TMEM183A: variants seen among roughly 807,000 people sequenced by gnomAD.
TMEM183A encodes chromosome 1 open reading frame 37.
In TMEM183A, 21 loss-of-function variants were observed where a neutral mutation model predicts 46.7. That is an observed-to-expected ratio of 0.45 (90% confidence interval 0.32 to 0.65). TMEM183A has a LOEUF of 0.65. Among genes scored for constraint, TMEM183A ranks in the 30% least tolerant of loss-of-function variants. TMEM183A has a pLI of 0.04. For missense variants in TMEM183A, 331 were observed against 481.9 expected, an observed-to-expected ratio of 0.69 and a Z score of 2.93; for synonymous variants, 165 against 180.2, an observed-to-expected ratio of 0.92 and a Z score of 0.68.
intron 3 of TMEM183A, among the ~76,000 whole-genome samples, chr1:203,012,720 G>T (rs978324186): frequency 2.0e-5 from 3 of 152,044 alleles, no homozygotes; most frequent in Non-Finnish European, 4.4e-5. Flanking sequence ...ATTTTTGTTT[G>T]TTTTTTTGGT....
chr1:203,017,265 A>C (rs1657254213), intron 5 of TMEM183A, among the ~76,000 whole-genome samples: 1 of 152,018 alleles, frequency 6.6e-6, no homozygotes. Flanking sequence ...CCTTTCCCCC[A>C]AAACATTTGA....
chr1:203,007,474 G>T lies in TMEM183A; in HGVS notation c.9G>T (p.Arg3=). ...GCTCTCCGGCCGGAGACATGGCCCG[G>T]GGGCCCGGCCCGCTAGGCAGGCCTC... The part of the protein sequence containing the change: MA[R]GPGPLGRPRP... Residue 3 remains arginine, a synonymous_variant, in exon 1 of 8, where the codon CGG becomes CGT. Transcript: ENST00000367242. 1 of 1,459,660 alleles carries T rather than the reference G, an allele frequency of 6.9e-7. No homozygotes were observed. The highest frequency in any genetic ancestry group is 9.1e-7 in the Non-Finnish European group (1 of 1,102,564). The allele number at this position is 1,459,660 out of a possible 1,614,324, so 90.4% of individuals were successfully genotyped here. A position where few individuals can be genotyped will look rare whatever the true frequency, so the allele number is the denominator to read the frequency against.
Position 203,016,061 on chromosome 1 carries a change from T to C in TMEM183A, c.629T>C (p.Met210Thr). ...RACVIRSLYH[M>T]YEPFAARISK... ...TGTGTGATCCGATCTCTGTACCATA[T>C]GTATGAGCCATTTGCTGCTCGAATC... The change falls in exon 5 of 8, where the codon ATG (methionine) becomes ACG (threonine). Residue 210 changes from methionine to threonine, a missense_variant. Physicochemically the swap from Met to Thr is moderately conservative, Grantham distance 81. Around this residue, in one of 2 missense-constraint regions of TMEM183A, gnomAD observed 233 missense variants for 385.8 expected, o/e 0.60. Transcript: ENST00000367242. The C allele has an allele frequency of 6.2e-7, 1 of 1,614,190 alleles. No individual in the cohort carries two copies. The highest frequency in any genetic ancestry group is 1.7e-4 in the Middle Eastern group (1 of 6,060).
At chr1:203,018,619 A>G (rs543053627) in intron 6 of TMEM183A, 58 bp downstream of exon 6, 5 of 1,565,358 alleles carry the variant, frequency 3.2e-6, no homozygotes, top group Admixed American at 1.8e-5. Flanking sequence ...ATTTCCCTAG[A>G]TATCTTTCTT....
rs1163622334 is a variant in TMEM183A at position 203,016,356 on chromosome 1, T to C, written c.708+216T>C. 1.2e-5 allele frequency: 7 copies of C among 605,112 alleles called. No individual in the cohort carries two copies. The Admixed American group carries it at 1.8e-4, about 16-fold the overall frequency. The allele number at this position is 605,112 out of a possible 1,614,324, so 37.5% of individuals were successfully genotyped here. A position where few individuals can be genotyped will look rare whatever the true frequency, so the allele number is the denominator to read the frequency against. ...CCTTAAAGCTTTCTGGTGCTTTTAG[T>C]GTATTCCTTATTCTTTTTATTTTAA... is the stretch of plus-strand genomic sequence containing the variant. On this transcript the variant is annotated intron_variant, in intron 5 of 7. Coordinates refer to ENST00000367242, the MANE Select transcript of TMEM183A (RefSeq NM_138391.6).
intron 6 of TMEM183A, among the ~76,000 whole-genome samples, chr1:203,018,916 C>T (rs1292973831): frequency 6.6e-6 from 1 of 152,178 alleles, no homozygotes; most frequent in East Asian, 1.9e-4. Flanking sequence ...TGAGGGAGGG[C>T]CTCCCCAGTA....
chr1:203,007,659 G>A, intron 1 of TMEM183A, 85 bp downstream of exon 1: 1 of 1,537,722 alleles, frequency 6.5e-7, no homozygotes, highest in Middle Eastern at 2.0e-4. Flanking sequence ...GAGCGCTCGC[G>A]TGCCCGCGGC....
intron 5 of TMEM183A, 125 bp downstream of exon 5, chr1:203,016,265 T>A: frequency 7.3e-7 from 1 of 1,370,798 alleles, no homozygotes; most frequent in Non-Finnish European, 1.0e-6. Flanking sequence ...GGGACTAATG[T>A]AAACTTCAGG....
At chr1:203,017,278 G>C (rs926704626) in intron 5 of TMEM183A, among the ~76,000 whole-genome samples, 1 of 152,042 alleles carries the variant, frequency 6.6e-6, no homozygotes, top group Non-Finnish European at 1.5e-5. Flanking sequence ...ACATTTGATA[G>C]TATCAGATTA....
At chr1:203,012,196 A>T (rs1656696059) in intron 3 of TMEM183A, among the ~76,000 whole-genome samples, 1 of 102,710 alleles carries the variant, frequency 9.7e-6, no homozygotes, top group African/African-American at 3.8e-5. Flanking sequence ...GGTTATTTTG[A>T]AACGGCCATT....
At chr1:203,014,726 C>G (rs1260285067) in intron 3 of TMEM183A, among the ~76,000 whole-genome samples, 163 bp from the exon 4 acceptor site, 2 of 152,116 alleles carry the variant, frequency 1.3e-5, no homozygotes, top group Non-Finnish European at 2.9e-5. Flanking sequence ...GTAAAAGTTT[C>G]CAGCAGCTAG....
chr1:203,022,738 A>C, intron 7 of TMEM183A, 117 bp from the exon 8 acceptor site: 8 of 1,207,060 alleles, frequency 6.6e-6, no homozygotes, highest in Non-Finnish European at 9.4e-6. Flanking sequence ...TTTATAATTT[A>C]GAGATTAATC....
In TMEM183A at chr1:203,007,568, G is replaced by T. The variant is rs775134653; in HGVS notation, c.103G>T (p.Gly35Cys). Reference protein sequence around the residue: ...LKFRAHDACSGRVTVADYANS... With the variant: ...LKFRAHDACSCRVTVADYANS... ...GTTCCGGGCCCACGACGCCTGCTCC[G>T]GCCGAGGTGGGCGAGGGGGGCAGGG... The change falls in exon 1 of 8, where the codon GGC becomes TGC. Residue 35 changes from glycine (G) to cysteine (C), a missense_variant. Physicochemically the swap from Gly to Cys is radical, Grantham distance 159. This residue lies in a region of TMEM183A where 98 missense variants were observed against 96.1 expected (regional missense o/e 1.02). Coordinates refer to ENST00000367242, the MANE Select transcript of TMEM183A (RefSeq NM_138391.6). The T allele has an allele frequency of 9.7e-5, 150 of 1,546,994 alleles. No individual in the cohort carries two copies. Among genetic ancestry groups the T allele is most frequent in the Non-Finnish European group, 1.2e-4 (142 of 1,152,098 alleles).
At position 203,016,000 on chromosome 1, in the gene TMEM183A, C is replaced by T. The variant is rs1657133093; in HGVS notation, c.568C>T (p.Pro190Ser). 1 of 1,613,874 alleles carries T rather than the reference C, an allele frequency of 6.2e-7. No homozygotes were observed. The highest frequency in any genetic ancestry group is 1.1e-5 in the South Asian group (1 of 91,082). The change falls in exon 5 of 8, where the codon CCA (proline) becomes TCA (serine). Residue 190 changes from proline to serine, a missense_variant. Pro to Ser is a moderately conservative substitution (Grantham distance 74, BLOSUM62 -1). Transcript: ENST00000367242. ...LDASLPLRLRPESMEKLRCLR... is the reference protein window; with the variant it reads ...LDASLPLRLRSESMEKLRCLR... ...TGCTTCCCTGCCTTTGCGTCTGCGA[C>T]CAGAGTCAATGGAGAAGCTGCGCTG...
chr1:203,021,664 T>A (rs1657693829), intron 7 of TMEM183A, among the ~76,000 whole-genome samples: 1 of 152,320 alleles, frequency 6.6e-6, no homozygotes, highest in Middle Eastern at 3.4e-3. Context: ...AAATACAGGG[T>A]GACCAGCTCA....
intron 7 of TMEM183A, among the ~76,000 whole-genome samples, chr1:203,022,157 C>T (rs1383699360): frequency 6.6e-6 from 1 of 152,088 alleles, no homozygotes; most frequent in Non-Finnish European, 1.5e-5. Context: ...CAACCTCTGT[C>T]TCCTGGTTTC....
rs1656128980 is a variant in TMEM183A at position 203,007,875 on chromosome 1, G to A, written c.199+12G>A. 1 of 1,613,904 alleles carries A rather than the reference G, an allele frequency of 6.2e-7. No individual in the cohort carries two copies. Among genetic ancestry groups the A allele is most frequent in the Non-Finnish European group, 8.5e-7 (1 of 1,179,942 alleles). On this transcript the variant is annotated intron_variant, in intron 2 of 7. Coordinates refer to ENST00000367242, the MANE Select transcript of TMEM183A (RefSeq NM_138391.6). ...TGTTCAGCAGGAAGGTAAGCTTTGC[G>A]CGAGCCTTTAAAGACTCATGCCGCG...
chr1:203,022,354 A>G (rs1657779567), intron 7 of TMEM183A, among the ~76,000 whole-genome samples: 1 of 152,172 alleles, frequency 6.6e-6, no homozygotes, highest in South Asian at 2.1e-4. Flanking sequence ...TTTCTTTAGC[A>G]TAGTTTAAAC....
In TMEM183A at chr1:203,007,817, G is replaced by T. The variant is rs1200845951; in HGVS notation, c.153G>T (p.Arg51Ser). The change falls in exon 2 of 8, where the codon AGG becomes AGT. Residue 51 changes from arginine (R) to serine (S), a missense_variant. Physicochemically the swap from Arg to Ser is moderately radical, Grantham distance 110 (BLOSUM62 -1). Around this residue, in one of 2 missense-constraint regions of TMEM183A, gnomAD observed 98 missense variants for 96.1 expected, o/e 1.02. Transcript: ENST00000367242. ...DYANSDPAVV[R>S]SGRVKKAVAN... Reference sequence around the variant, plus strand: ...CCAACTCGGATCCGGCGGTCGTGAGGTCTGGACGAGTCAAGAAAGCCGTAG... The same window carrying T: ...CCAACTCGGATCCGGCGGTCGTGAGTTCTGGACGAGTCAAGAAAGCCGTAG... The T allele has an allele frequency of 6.2e-7, 1 of 1,614,026 alleles. No homozygotes were observed. Among genetic ancestry groups the T allele is most frequent in the Non-Finnish European group, 8.5e-7 (1 of 1,179,890 alleles).
Sources: gnomAD v4.1 joint callset for allele counts (sites outside exome capture counted in the v4.1 genomes callset) on GRCh38, gnomAD v4.1.1 for gene constraint, gnomAD v4.1.1 regional missense constraint, MANE v1.5 for transcripts, NCBI Gene and HGNC (gene_info 2026-07-23, HGNC 2026-07-21) for gene names.